The following CFAP54 variants were observed in gnomAD, a reference collection of about 807,000 sequenced individuals.
CFAP54 encodes cilia- and flagella-associated protein 54.
Under a neutral mutation model 370.4 loss-of-function variants are expected in CFAP54, and 290 were observed. That is an observed-to-expected ratio of 0.78 (90% confidence interval 0.71 to 0.86). The LOEUF (loss-of-function observed/expected upper bound fraction) is 0.86, where lower values mean the gene tolerates loss of function less well. CFAP54 is among the 40% of genes least tolerant of loss of function. The probability of loss-of-function intolerance (pLI) is 0.00; values close to 1 mark genes in which losing one functional copy is unlikely to be tolerated. For synonymous variants in CFAP54, 1,206 were observed against 1,236.5 expected (o/e 0.98, Z 0.52); for missense variants, 3,399 against 3,528.7 (o/e 0.96, Z 0.93).
chr12:96,652,777 G>T (rs954898159), intron 36 of CFAP54, among the ~76,000 whole-genome samples: 1 of 151,996 alleles, frequency 6.6e-6, no homozygotes, highest in Admixed American at 6.6e-5. Flanking sequence ...GAAACAGGTA[G>T]ATTGAAAATA....
chr12:96,535,698 C>G, intron 12 of CFAP54, 98 bp downstream of exon 12: 1 of 703,344 alleles, frequency 1.4e-6, no homozygotes, highest in South Asian at 2.1e-5. Context: ...TTACGCCTTG[C>G]TAAAATTTTA....
chr12:96,676,216 C>G (rs1957206958), intron 39 of CFAP54, among the ~76,000 whole-genome samples: 1 of 152,104 alleles, frequency 6.6e-6, no homozygotes, highest in Admixed American at 6.5e-5. Context: ...TCTGAGCCAT[C>G]CTGATTTTGG....
rs564678118 is a variant in CFAP54, at chr12:96,519,520, A to G, written c.942+449A>G. On this transcript the variant is annotated intron_variant, in intron 6 of 67. Coordinates refer to ENST00000524981, the MANE Select transcript of CFAP54 (RefSeq NM_001306084.2). ...ACAAAAGTTCAGCTTTATTTGCACA[A>G]ATTGGCTTGGCTTTTCCATTGTTTT... Among the ~76,000 whole-genome samples, 243 of 152,170 alleles carry G rather than the reference A, an allele frequency of 1.6e-3. 1 individual carries two copies. The highest frequency in any genetic ancestry group is 5.5e-3 in the African/African-American group (229 of 41,526).
At chr12:96,709,516 C>G (rs1592719437) in intron 48 of CFAP54, among the ~76,000 whole-genome samples, 1 of 151,940 alleles carries the variant, frequency 6.6e-6, no homozygotes, top group South Asian at 2.1e-4. Flanking sequence ...CTCTTCTATT[C>G]TTAGTTTGTC....
intron 39 of CFAP54, among the ~76,000 whole-genome samples, chr12:96,671,268 A>C (rs565544817): frequency 1.3e-5 from 2 of 152,296 alleles, no homozygotes; most frequent in Non-Finnish European, 2.9e-5. Context: ...CACTGCTCCC[A>C]GCCTGAGCAT....
chr12:96,682,380 T>A (rs1272356788), intron 40 of CFAP54: 1 of 938,588 alleles, frequency 1.1e-6, no homozygotes, highest in African/African-American at 1.8e-5. Context: ...AAATTTTTTT[T>A]TTTTTGAGAC....
At chr12:96,700,680 A>C (rs1441689295) in intron 46 of CFAP54, among the ~76,000 whole-genome samples, 1 of 152,206 alleles carries the variant, frequency 6.6e-6, no homozygotes, top group Non-Finnish European at 1.5e-5. Flanking sequence ...GTTGACGTTT[A>C]AAGCATAAAT....
intron 26 of CFAP54, among the ~76,000 whole-genome samples, chr12:96,614,145 C>T (rs1956390898): frequency 6.6e-6 from 1 of 152,186 alleles, no homozygotes; most frequent in Non-Finnish European, 1.5e-5. Context: ...TCCAGCAGCA[C>T]ATCAAAAAGC....
At chr12:96,760,519 A>C (rs1854862056) in intron 58 of CFAP54, among the ~76,000 whole-genome samples, 1 of 152,144 alleles carries the variant, frequency 6.6e-6, no homozygotes, top group South Asian at 2.1e-4. Context: ...ATTTCATGTA[A>C]ATAGAATGAT....
intron 32 of CFAP54, among the ~76,000 whole-genome samples, chr12:96,632,203 T>G (rs990119107): frequency 6.6e-6 from 1 of 152,116 alleles, no homozygotes; most frequent in East Asian, 1.9e-4. Context: ...TTTAATTTTA[T>G]AAGTTTGGAT....
intron 50 of CFAP54, among the ~76,000 whole-genome samples, chr12:96,739,060 G>T (rs1262274290): frequency 6.6e-6 from 1 of 152,140 alleles, no homozygotes; most frequent in African/African-American, 2.4e-5. Flanking sequence ...CATACCTTTT[G>T]GGGAGACAAA....
intron 38 of CFAP54, among the ~76,000 whole-genome samples, chr12:96,663,230 A>G (rs1429112487): frequency 2.6e-5 from 4 of 152,210 alleles, no homozygotes; most frequent in Admixed American, 2.0e-4. Context: ...AAGCATCTAT[A>G]TCAGACTGGG....
At position 96,648,029 on chromosome 12, in the gene CFAP54, A is replaced by T; in HGVS notation, c.4690+12A>T. On this transcript the variant is annotated intron_variant, in intron 34 of 67. Coordinates refer to ENST00000524981, the MANE Select transcript of CFAP54 (RefSeq NM_001306084.2). ...CAACTTACCATCAGGTAAAATAAAC[A>T]TGTTAGTTTATTATTAAATTACCTC... 1 of 1,483,218 alleles carries T rather than the reference A, an allele frequency of 6.7e-7. No homozygotes were observed. The highest frequency in any genetic ancestry group is 8.9e-7 in the Non-Finnish European group (1 of 1,125,058). The allele number at this position is 1,483,218 out of a possible 1,614,324, so 91.9% of individuals were successfully genotyped here. A position where few individuals can be genotyped will look rare whatever the true frequency, so the allele number is the denominator to read the frequency against.
At chr12:96,671,730 T>C (rs1957148513) in intron 39 of CFAP54, among the ~76,000 whole-genome samples, 2 of 152,152 alleles carry the variant, frequency 1.3e-5, no homozygotes, top group Admixed American at 1.3e-4. Context: ...GAGACCAGCC[T>C]GGCCAACACG....
At chr12:96,858,555 G>T (rs1047018631) in intron 66 of CFAP54, among the ~76,000 whole-genome samples, 1 of 152,070 alleles carries the variant, frequency 6.6e-6, no homozygotes, top group Admixed American at 6.6e-5. Context: ...TTTGTCATGA[G>T]ACCTTTGCTC....
intron 26 of CFAP54, among the ~76,000 whole-genome samples, chr12:96,603,996 CTTGCTGGTGAGGAG>C (rs1349109708): frequency 6.6e-6 from 1 of 152,188 alleles, no homozygotes; most frequent in Non-Finnish European, 1.5e-5. Context: ...GTTTTGTCCC[CTTGCTGGTGAGGAG>C]TTGTGTTCCT....
intron 50 of CFAP54, among the ~76,000 whole-genome samples, chr12:96,730,193 A>G (rs1460219489): frequency 1.3e-5 from 2 of 152,160 alleles, no homozygotes; most frequent in Non-Finnish European, 2.9e-5. Flanking sequence ...GTGGGGTCCA[A>G]ATTGACATCA....
At chr12:96,761,460 G>A (rs1020187423) in intron 58 of CFAP54, among the ~76,000 whole-genome samples, 9 of 151,976 alleles carry the variant, frequency 5.9e-5, no homozygotes, top group African/African-American at 2.2e-4. Context: ...TGTCTTTGGA[G>A]GCACAAAGTT....
At chr12:96,552,459 T>G (rs1049929764) in intron 15 of CFAP54, among the ~76,000 whole-genome samples, 3 of 151,938 alleles carry the variant, frequency 2.0e-5, no homozygotes, top group Non-Finnish European at 4.4e-5. Flanking sequence ...TTCTCATGCC[T>G]CAGTCTCCCA....
Sources: allele counts gnomAD v4.1 joint callset (sites outside exome capture counted in the v4.1 genomes callset), GRCh38; gene constraint gnomAD v4.1.1; transcripts MANE v1.5; gene names NCBI Gene and HGNC (gene_info 2026-07-23, HGNC 2026-07-21).